Variants in TMEM71 observed in about 807,000 individuals in gnomAD.
TMEM71 encodes transmembrane protein 71.
TMEM71 carries 44 observed loss-of-function variants against 38.0 expected under a neutral mutation model. The observed-to-expected ratio is 1.16, with a 90% CI of 0.91 to 1.49. The LOEUF (loss-of-function observed/expected upper bound fraction) is 1.49, where lower values mean the gene tolerates loss of function less well. TMEM71 is among the 40% of genes most tolerant of loss of function. The probability of loss-of-function intolerance (pLI) is 0.00; values close to 1 mark genes in which losing one functional copy is unlikely to be tolerated. For missense variants in TMEM71, 367 were observed against 348.6 expected (o/e 1.05, Z -0.42); for synonymous variants, 133 against 122.5 (o/e 1.09, Z -0.56).
At chr8:132,709,816 C>A (rs1046631429), downstream of TMEM71, 4 of 151,916 alleles carry the variant, frequency 2.6e-5, no homozygotes, top group African/African-American at 9.7e-5. Flanking sequence ...TGCCGTAAGC[C>A]ACTTGGTTTA....
upstream of TMEM71, among the ~76,000 whole-genome samples, chr8:132,762,795 T>G (rs1829319817): frequency 6.6e-6 from 1 of 152,164 alleles, no homozygotes; most frequent in Non-Finnish European, 1.5e-5. Context: ...AATGATCATA[T>G]CCAACGTGTG....
chr8:132,756,403 C>CATAT (rs1554619984), intron 3 of TMEM71, among the ~76,000 whole-genome samples: 2 of 95,234 alleles, frequency 2.1e-5, no homozygotes, highest in South Asian at 3.5e-4. Context: ...TTGACACTAA[C>CATAT]ATATATATTA....
intron 7 of TMEM71, among the ~76,000 whole-genome samples, chr8:132,716,772 T>C (rs1826558308): frequency 6.6e-6 from 1 of 152,116 alleles, no homozygotes; most frequent in African/African-American, 2.4e-5. Context: ...ATATAAATTA[T>C]CCTCTCTCTC....
intron 9 of TMEM71, 84 bp from the exon 10 acceptor site, chr8:132,711,066 G>T: frequency 7.6e-7 from 1 of 1,323,454 alleles, no homozygotes; most frequent in Non-Finnish European, 1.1e-6. Flanking sequence ...ATACCCATTT[G>T]CGCATATATA....
Position 132,710,805 on chromosome 8 carries a change from C to T in TMEM71, c.*162G>A. On this transcript the variant is annotated 3_prime_UTR_variant, in exon 10 of 10. Transcript: ENST00000677595. ...GCATATTATAATTTTGATGGAAAAA[C>T]TGAGATCATTTTAAAATCACATAGT... 2.9e-6 allele frequency: 2 copies of T among 682,376 alleles called. No individual in the cohort carries two copies. Among genetic ancestry groups the T allele is most frequent in the South Asian group, 1.7e-5 (1 of 58,752 alleles). 42.3% of individuals were successfully genotyped at this position (682,376 alleles called of 1,614,324 possible).
intron 4 of TMEM71, among the ~76,000 whole-genome samples, 153 bp from the exon 5 acceptor site, chr8:132,747,267 C>T (rs958141695): frequency 2.0e-5 from 3 of 152,262 alleles, no homozygotes; most frequent in Admixed American, 1.3e-4. Flanking sequence ...GTGCCAGGTC[C>T]TTGGCTCAAT....
chr8:132,760,129 T>G (rs1829249357), intron 1 of TMEM71, among the ~76,000 whole-genome samples: 1 of 151,904 alleles, frequency 6.6e-6, no homozygotes, highest in African/African-American at 2.4e-5. Context: ...ATCTCACAAG[T>G]GCTTAGAAGA....
chr8:132,773,042 T>C, the TMEM71 span, among the ~76,000 whole-genome samples: 1 of 152,222 alleles, frequency 6.6e-6, no homozygotes. Context: ...AATACTTATA[T>C]GTGAAATGCA....
At chr8:132,765,888 A>C in the TMEM71 span, among the ~76,000 whole-genome samples, 1 of 151,990 alleles carries the variant, frequency 6.6e-6, no homozygotes, top group African/African-American at 2.4e-5. Context: ...TCCCAGATTC[A>C]AGAGATTCTC....
At chr8:132,726,210 TA>T (rs998007429) in intron 6 of TMEM71, among the ~76,000 whole-genome samples, 1 of 151,816 alleles carries the variant, frequency 6.6e-6, no homozygotes, top group African/African-American at 2.4e-5. Flanking sequence ...TAGGTGTTGA[TA>T]ACCTGTCATT....
intron 5 of TMEM71, among the ~76,000 whole-genome samples, 192 bp downstream of exon 5, chr8:132,746,750 A>G (rs1258567908): frequency 6.6e-6 from 1 of 152,104 alleles, no homozygotes; most frequent in Non-Finnish European, 1.5e-5. Flanking sequence ...GCTATTTTGC[A>G]TGACATAGAC....
chr8:132,752,488 T>G (rs1001381124), intron 3 of TMEM71, among the ~76,000 whole-genome samples: 6 of 152,178 alleles, frequency 3.9e-5, no homozygotes, highest in African/African-American at 1.4e-4. Flanking sequence ...GCTGTACAAA[T>G]GGGCACACAG....
chr8:132,714,323 C>T (rs1030786023), intron 7 of TMEM71, 108 bp from the exon 8 acceptor site: 8 of 842,578 alleles, frequency 9.5e-6, no homozygotes, highest in Non-Finnish European at 1.4e-5. Context: ...TACTATGAAA[C>T]TACAGTAATA....
chr8:132,764,231 A>T (rs1001137001), upstream of TMEM71, among the ~76,000 whole-genome samples: 1 of 152,218 alleles, frequency 6.6e-6, no homozygotes, highest in East Asian at 1.9e-4. Context: ...TGCATAAGCC[A>T]TATAATAATA....
intron 5 of TMEM71, among the ~76,000 whole-genome samples, chr8:132,744,292 ATTCATTGTCCCAT>A (rs1192817686): frequency 6.6e-6 from 1 of 152,220 alleles, no homozygotes; most frequent in Non-Finnish European, 1.5e-5. Flanking sequence ...TATGACTGAT[ATTCATTGTCCCAT>A]TTCATCTTTA....
chr8:132,719,255 T>C (rs1441139436), intron 7 of TMEM71, among the ~76,000 whole-genome samples: 1 of 152,244 alleles, frequency 6.6e-6, no homozygotes, highest in East Asian at 1.9e-4. Flanking sequence ...TCTTGAATTT[T>C]ATATACACAG....
the TMEM71 span, among the ~76,000 whole-genome samples, chr8:132,772,286 T>A: frequency 1.3e-5 from 2 of 152,220 alleles, no homozygotes; most frequent in Non-Finnish European, 2.9e-5. Flanking sequence ...GCCTAACAAC[T>A]GTTGTTTCAA....
intron 6 of TMEM71, 78 bp from the exon 7 acceptor site, chr8:132,722,193 C>T: frequency 1.7e-6 from 2 of 1,147,938 alleles, no homozygotes; most frequent in Non-Finnish European, 1.3e-6. Flanking sequence ...TCATCTCAAA[C>T]TTCCCTTGTA....
intron 6 of TMEM71, among the ~76,000 whole-genome samples, chr8:132,726,878 C>G (rs1353973968): frequency 6.9e-6 from 1 of 145,934 alleles, no homozygotes; most frequent in Non-Finnish European, 1.5e-5. Flanking sequence ...TGGAGTCTTA[C>G]TCTGTCACCC....
Sources: allele counts gnomAD v4.1 joint callset (sites outside exome capture counted in the v4.1 genomes callset), GRCh38; gene constraint gnomAD v4.1.1; transcripts MANE v1.5; gene names NCBI Gene and HGNC (gene_info 2026-07-23, HGNC 2026-07-21).